The following OSBPL3 variants were observed in gnomAD, a reference collection of about 807,000 sequenced individuals.
The protein encoded by OSBPL3 is oxysterol binding protein like 3, also known as oxysterol-binding protein-related protein 3.
Under a neutral mutation model 120.1 loss-of-function variants are expected in OSBPL3, and 65 were observed. That is an observed-to-expected ratio of 0.54 (90% confidence interval 0.44 to 0.67). The LOEUF is 0.67. Among genes scored for constraint, OSBPL3 ranks in the 30% least tolerant of loss-of-function variants. OSBPL3 has a pLI of 0.00. For synonymous variants in OSBPL3, 416 were observed against 402.6 expected, an observed-to-expected ratio of 1.03 and a Z score of -0.40; for missense variants, 1,004 against 1,082.1, an observed-to-expected ratio of 0.93 and a Z score of 1.01.
Position 24,933,781 on chromosome 7 carries a change from TA to T in OSBPL3, c.-149-41161del, listed in dbSNP as rs1812068684. Among the ~76,000 whole-genome samples, 3 of 152,356 alleles carry T rather than the reference TA, an allele frequency of 2.0e-5. No individual in the cohort carries two copies. The highest frequency in any genetic ancestry group is 3.4e-3 in the Middle Eastern group (1 of 294). ...GTTATGAGAAAAGCAAACCAATGGGTAATTCCCAAAGTTACTATCTGCTTTT... is the reference window on the plus strand; with the variant it reads ...GTTATGAGAAAAGCAAACCAATGGGTATTCCCAAAGTTACTATCTGCTTTT... On this transcript the variant is annotated intron_variant, in intron 1 of 22. Coordinates refer to ENST00000313367, the MANE Select transcript of OSBPL3 (RefSeq NM_015550.4). This position sits in a 1 kb window ranked among gnomAD's most constrained non-coding sequence, Gnocchi z 5.1.
At chr7:24,857,644 A>G (rs1276654863) in intron 10 of OSBPL3, among the ~76,000 whole-genome samples, 3 of 152,198 alleles carry the variant, frequency 2.0e-5, no homozygotes, top group African/African-American at 7.2e-5. Flanking sequence ...GCCAGTACAG[A>G]GGGAGCTCCA....
chr7:24,894,443 G>C lies in OSBPL3; in HGVS notation c.-149-1822C>G, dbSNP rs567678286. ...ATGCAATCTAAAAAGTAGCAAGAGA[G>C]TACTGTAAAGATATATTAATAGTTT... On this transcript the variant is annotated intron_variant, in intron 1 of 22. Coordinates refer to ENST00000313367, the MANE Select transcript of OSBPL3 (RefSeq NM_015550.4). This position sits in a 1 kb window ranked among gnomAD's most constrained non-coding sequence, Gnocchi z 4.1. Among the ~76,000 whole-genome samples the C allele has an allele frequency of 2.4e-4, 37 of 152,162 alleles. No homozygotes were observed. In the South Asian group the frequency reaches 7.7e-3, roughly 32 times the overall value.
chr7:24,919,306 G>T (rs1810094849), intron 1 of OSBPL3, among the ~76,000 whole-genome samples: 1 of 152,064 alleles, frequency 6.6e-6, no homozygotes, highest in South Asian at 2.1e-4. Context: ...CATAAAGACA[G>T]ACATACAGAT....
At position 24,851,301 on chromosome 7, in the gene OSBPL3, G is replaced by A. The variant is rs1010220613; in HGVS notation, c.1158+1203C>T. ...ATTCTATCTGTGACCTTAAGACAAC[G>A]TTAAGACTCTTCTTTATATATGGAG... is the stretch of plus-strand genomic sequence containing the variant. On this transcript the variant is annotated intron_variant, in intron 11 of 22. Transcript: ENST00000313367. The surrounding 1 kb of genome is among the most constrained non-coding windows in gnomAD (Gnocchi z 4.1). Among the ~76,000 whole-genome samples the A allele has an allele frequency of 6.6e-5, 10 of 152,156 alleles. No individual in the cohort carries two copies. The highest frequency in any genetic ancestry group is 2.0e-4 in the Admixed American group (3 of 15,278).
chr7:24,973,599 T>C (rs181505919), intron 1 of OSBPL3, among the ~76,000 whole-genome samples: 20 of 152,318 alleles, frequency 1.3e-4, no homozygotes, highest in Admixed American at 5.9e-4. Flanking sequence ...AACAAAATCA[T>C]TTAGATTAAT....
chr7:24,853,254 G>A (rs1584381498), intron 10 of OSBPL3, among the ~76,000 whole-genome samples: 3 of 152,172 alleles, frequency 2.0e-5, no homozygotes, highest in African/African-American at 7.2e-5. Context: ...CCTTAATCAG[G>A]TGATCAAAAT....
At chr7:24,904,655 T>C (rs1807592569) in intron 1 of OSBPL3, among the ~76,000 whole-genome samples, 1 of 151,778 alleles carries the variant, frequency 6.6e-6, no homozygotes, top group Non-Finnish European at 1.5e-5. Flanking sequence ...TACAACAGAG[T>C]ATTATTCAGC....
At chr7:24,979,267 A>C (rs183865341) in intron 1 of OSBPL3, among the ~76,000 whole-genome samples, 537 of 147,050 alleles carry the variant, frequency 3.7e-3, no homozygotes, top group Non-Finnish European at 5.6e-3. Flanking sequence ...AGGTGATCTG[A>C]ACAGTAGTAA....
Position 24,820,340 on chromosome 7 carries a change from C to T in OSBPL3, c.1885-102G>A. 7.0e-6 allele frequency: 6 copies of T among 851,216 alleles called. No homozygotes were observed. The highest frequency in any genetic ancestry group is 5.7e-6 in the Non-Finnish European group (3 of 522,360). The allele number at this position is 851,216 out of a possible 1,614,324, so 52.7% of individuals were successfully genotyped here. A position where few individuals can be genotyped will look rare whatever the true frequency, so the allele number is the denominator to read the frequency against. ...CACTGAGATGTAACAGCGTGCAATG[C>T]TGAACTGAAGGAAAAACTTCTTTAG... On this transcript the variant is annotated intron_variant, in intron 16 of 22. Coordinates refer to ENST00000313367, the MANE Select transcript of OSBPL3 (RefSeq NM_015550.4). This position sits in a 1 kb window ranked among gnomAD's most constrained non-coding sequence, Gnocchi z 4.6.
In OSBPL3 at chr7:24,817,337, C is replaced by T. The variant is rs1383331694; in HGVS notation, c.1949-649G>A. ...TTCGAGACCAGCACAGCCAACATGG[C>T]GAAACCCCTTCTCTATTAAAAATAC... On this transcript the variant is annotated intron_variant, in intron 17 of 22. Transcript: ENST00000313367. The surrounding 1 kb of genome is among the most constrained non-coding windows in gnomAD (Gnocchi z 4.0). Among the ~76,000 whole-genome samples the T allele has an allele frequency of 4.6e-5, 7 of 151,940 alleles. No individual in the cohort carries two copies. The highest frequency in any genetic ancestry group is 2.6e-4 in the Admixed American group (4 of 15,252).
chr7:24,871,150 T>C lies in OSBPL3; in HGVS notation c.268-305A>G, dbSNP rs1341130089. On this transcript the variant is annotated intron_variant, in intron 4 of 22. Transcript: ENST00000313367. The surrounding 1 kb of genome is among the most constrained non-coding windows in gnomAD (Gnocchi z 4.8). ...AGTAAGCACCGTGGGTTGACTCCCA[T>C]GGCAGTGAATTCACCTGTCAACTGT... 4.6e-5 allele frequency among the ~76,000 whole-genome samples: 7 copies of C among 152,190 alleles called. No individual in the cohort carries two copies. The East Asian group carries it at 1.2e-3, about 25-fold the overall frequency.
Position 24,804,334 on chromosome 7 carries a change from G to A in OSBPL3, c.2548C>T (p.His850Tyr). ...RRVLEENHVE[H>Y]QPRFFRKSDD... ...ACGAACCTGAAAAACCGAGGCTGGT[G>A]CTCCACATGATTTTCTTCTAAGACC... Residue 850 changes from histidine (H) to tyrosine (Y), a missense_variant, in exon 22 of 23, where the codon CAC (histidine) becomes TAC (tyrosine). By Grantham distance (83) the His-to-Tyr change is moderately conservative (BLOSUM62 2). Coordinates refer to ENST00000313367, the MANE Select transcript of OSBPL3 (RefSeq NM_015550.4). The surrounding 1 kb of genome is among the most constrained non-coding windows in gnomAD (Gnocchi z 5.4). The A allele has an allele frequency of 6.2e-7, 1 of 1,614,122 alleles. No individual in the cohort carries two copies. Among genetic ancestry groups the A allele is most frequent in the African/African-American group, 1.3e-5 (1 of 75,016 alleles).
chr7:24,910,625 G>A lies in OSBPL3; in HGVS notation c.-149-18004C>T, dbSNP rs556192539. 1.6e-4 allele frequency among the ~76,000 whole-genome samples: 24 copies of A among 152,332 alleles called. 1 individual carries two copies. The South Asian group carries it at 5.0e-3, about 32-fold the overall frequency. ...AGTGACAGAAACTTAATCCAAGGAG[G>A]AAACCACTGTGATCAAGGAGATAAG... On this transcript the variant is annotated intron_variant, in intron 1 of 22. Transcript: ENST00000313367.
At chr7:24,929,428 G>A (rs1226783043) in intron 1 of OSBPL3, among the ~76,000 whole-genome samples, 1 of 151,956 alleles carries the variant, frequency 6.6e-6, no homozygotes, top group Non-Finnish European at 1.5e-5. Context: ...AGCCAAATGA[G>A]GCTTAAATTC....
intron 1 of OSBPL3, among the ~76,000 whole-genome samples, chr7:24,958,703 C>T (rs1428102022): frequency 6.6e-6 from 1 of 152,166 alleles, no homozygotes; most frequent in Non-Finnish European, 1.5e-5. Context: ...TTAGCATTCC[C>T]TGTGATATTC....
intron 1 of OSBPL3, among the ~76,000 whole-genome samples, chr7:24,895,466 C>T (rs1378806223): frequency 3.9e-5 from 6 of 152,148 alleles, no homozygotes; most frequent in East Asian, 1.9e-4. Context: ...CCCACAACAA[C>T]GATGAAATTG....
chr7:24,834,350 G>T lies in OSBPL3; in HGVS notation c.1746+136C>A. 1 of 1,502,098 alleles carries T rather than the reference G, an allele frequency of 6.7e-7. No homozygotes were observed. The highest frequency in any genetic ancestry group is 8.9e-7 in the Non-Finnish European group (1 of 1,125,370). 93.0% of individuals were successfully genotyped at this position (1,502,098 alleles called of 1,614,324 possible). ...CAGGCGGAGGAAGCCAGACAGCTCTGAGTAATGAACCTGTTTACGGAACAA... is the reference window on the plus strand; with the variant it reads ...CAGGCGGAGGAAGCCAGACAGCTCTTAGTAATGAACCTGTTTACGGAACAA... On this transcript the variant is annotated intron_variant, in intron 15 of 22. Coordinates refer to ENST00000313367, the MANE Select transcript of OSBPL3 (RefSeq NM_015550.4). This position sits in a 1 kb window ranked among gnomAD's most constrained non-coding sequence, Gnocchi z 5.2.
At position 24,809,837 on chromosome 7, in the gene OSBPL3, C is replaced by T. The variant is rs376270377; in HGVS notation, c.2287G>A (p.Gly763Ser). Residue 763 changes from glycine to serine, a missense_variant, in exon 20 of 23, where the codon GGC becomes AGC. Transcript: ENST00000313367. ...CTCCATACACAGGCAGAAGAGGAGC[C>T]GCCGCCACAGTAGATGCTTTCATGC... ...KWHESIYCGG[G>S]SSSACVWRAN... 22 of 1,613,982 alleles carry T rather than the reference C, an allele frequency of 1.4e-5. No homozygotes were observed. The highest frequency in any genetic ancestry group is 1.6e-4 in the Middle Eastern group (1 of 6,084).
chr7:24,915,361 A>G (rs1301148348), intron 1 of OSBPL3, among the ~76,000 whole-genome samples: 1 of 152,168 alleles, frequency 6.6e-6, no homozygotes, highest in Non-Finnish European at 1.5e-5. Context: ...AAATTCCCCC[A>G]TGGAAGGTGG....
Sources: gnomAD v4.1 joint callset for allele counts (sites outside exome capture counted in the v4.1 genomes callset) on GRCh38, gnomAD v4.1.1 for gene constraint, Gnocchi (gnomAD v3.1) non-coding constraint, MANE v1.5 for transcripts, NCBI Gene and HGNC (gene_info 2026-07-23, HGNC 2026-07-21) for gene names.